Variants in RAPGEF4 observed in about 807,000 individuals in gnomAD.
RAPGEF4 encodes the protein Rap guanine nucleotide exchange factor 4, also known as RAP guanine-nucleotide-exchange factor (GEF) 4.
RAPGEF4 carries 66 observed loss-of-function variants against 147.9 expected under a neutral mutation model. The observed-to-expected ratio is 0.45, with a 90% CI of 0.37 to 0.55. The LOEUF is 0.55. Among genes scored for constraint, RAPGEF4 ranks in the 20% least tolerant of loss-of-function variants. The probability of loss-of-function intolerance (pLI) is 0.00; values close to 1 mark genes in which losing one functional copy is unlikely to be tolerated. For synonymous variants in RAPGEF4, 419 were observed against 442.7 expected (o/e 0.95, Z 0.67); for missense variants, 1,071 against 1,257.3 (o/e 0.85, Z 2.24).
intron 1 of RAPGEF4, among the ~76,000 whole-genome samples, chr2:172,757,840 A>G (rs1053104197): frequency 6.6e-6 from 1 of 152,218 alleles, no homozygotes; most frequent in Non-Finnish European, 1.5e-5. Context: ...CTTGCATTTA[A>G]CAAATATTTA....
chr2:172,747,375 C>G (rs115037706), intron 1 of RAPGEF4, among the ~76,000 whole-genome samples: 2 of 152,320 alleles, frequency 1.3e-5, no homozygotes, highest in African/African-American at 4.8e-5. Context: ...GATCTACTCT[C>G]TTAGCAAATT....
At chr2:172,968,038 A>G (rs554774023) in intron 10 of RAPGEF4, among the ~76,000 whole-genome samples, 1 of 152,228 alleles carries the variant, frequency 6.6e-6, no homozygotes, top group Non-Finnish European at 1.5e-5. Flanking sequence ...ACCACCTGCA[A>G]TTGTGGACTC....
intron 9 of RAPGEF4, among the ~76,000 whole-genome samples, chr2:172,966,361 C>T (rs1689842288): frequency 6.6e-6 from 1 of 152,174 alleles, no homozygotes; most frequent in Non-Finnish European, 1.5e-5. Flanking sequence ...GTTTCTCATA[C>T]TTTAATGTGC....
At chr2:173,014,036 A>G (rs1042523883) in intron 17 of RAPGEF4, among the ~76,000 whole-genome samples, 34 of 152,316 alleles carry the variant, frequency 2.2e-4, no homozygotes, top group African/African-American at 8.2e-4. Flanking sequence ...ACTGAAATGC[A>G]TGTAACAAAG....
chr2:172,955,666 C>T (rs996661214), intron 6 of RAPGEF4, among the ~76,000 whole-genome samples: 2 of 152,146 alleles, frequency 1.3e-5, no homozygotes, highest in Non-Finnish European at 2.9e-5. Flanking sequence ...ATTTGTGATA[C>T]GTGTTTTCTG....
At chr2:172,781,483 T>G (rs1684675493) in intron 1 of RAPGEF4, among the ~76,000 whole-genome samples, 1 of 152,176 alleles carries the variant, frequency 6.6e-6, no homozygotes, top group South Asian at 2.1e-4. Flanking sequence ...TTGGCCAGGC[T>G]GGTCTCTAAC....
At position 173,038,315 on chromosome 2, in the gene RAPGEF4, T is replaced by A. The variant is rs116139257; in HGVS notation, c.2853+1623T>A. Reference sequence around the variant, plus strand: ...TTCCAGAAATGAAAGATTTGGCAAATGCGTAAAGAAACTTCTGGATTACTT... The same window carrying A: ...TTCCAGAAATGAAAGATTTGGCAAAAGCGTAAAGAAACTTCTGGATTACTT... On this transcript the variant is annotated intron_variant, in intron 29 of 30. Coordinates refer to ENST00000397081, the MANE Select transcript of RAPGEF4 (RefSeq NM_007023.4). Among the ~76,000 whole-genome samples, 1,167 of 152,330 alleles carry A rather than the reference T, an allele frequency of 7.7e-3. 9 individuals are homozygous for A. Among genetic ancestry groups the A allele is most frequent in the African/African-American group, 0.026 (1,089 of 41,566 alleles).
chr2:172,845,981 A>G lies in RAPGEF4; in HGVS notation c.444+31556A>G, dbSNP rs1692137387. On this transcript the variant is annotated intron_variant, in intron 4 of 30. Coordinates refer to ENST00000397081, the MANE Select transcript of RAPGEF4 (RefSeq NM_007023.4). The stretch of plus-strand genomic sequence containing the variant: ...AGAGACGGAGGGTCTTTTCAAATCT[A>G]GGCTCCTGTCTTTGTTGTTTTCAAC... Among the ~76,000 whole-genome samples the G allele has an allele frequency of 3.3e-5, 5 of 152,196 alleles. No individual in the cohort carries two copies. In the South Asian group the frequency reaches 1.0e-3, roughly 32 times the overall value.
At chr2:172,843,828 T>C (rs1445511168) in intron 4 of RAPGEF4, among the ~76,000 whole-genome samples, 3 of 152,230 alleles carry the variant, frequency 2.0e-5, no homozygotes, top group African/African-American at 7.2e-5. Context: ...CTAGGATCTG[T>C]TATCTGTAAA....
intron 1 of RAPGEF4, among the ~76,000 whole-genome samples, chr2:172,771,517 A>C (rs13007746): frequency 1.3e-5 from 2 of 152,070 alleles, no homozygotes; most frequent in Non-Finnish European, 2.9e-5. Context: ...AGAGATTGTA[A>C]TTGTGATTTT....
At chr2:172,883,085 G>A (rs1696798313) in intron 4 of RAPGEF4, among the ~76,000 whole-genome samples, 1 of 148,336 alleles carries the variant, frequency 6.7e-6, no homozygotes, top group Admixed American at 6.8e-5. Flanking sequence ...TTAAAGCAAC[G>A]TGTTTAATAT....
At chr2:172,919,680 T>C (rs1684510380) in intron 5 of RAPGEF4, among the ~76,000 whole-genome samples, 1 of 152,206 alleles carries the variant, frequency 6.6e-6, no homozygotes, top group South Asian at 2.1e-4. Flanking sequence ...AGGGGCAGCC[T>C]AAGTTTCCAG....
chr2:172,900,918 CT>C (rs1367434223), intron 4 of RAPGEF4, among the ~76,000 whole-genome samples: 1 of 151,992 alleles, frequency 6.6e-6, no homozygotes, highest in Non-Finnish European at 1.5e-5. Context: ...AATTAAGGTT[CT>C]TTTTTTCTTC....
chr2:172,766,876 A>G (rs1412797619), intron 1 of RAPGEF4, among the ~76,000 whole-genome samples: 2 of 152,232 alleles, frequency 1.3e-5, no homozygotes, highest in South Asian at 2.1e-4. Flanking sequence ...CATTGCGTGC[A>G]TATACACAAT....
In RAPGEF4 at chr2:172,991,828, A is replaced by T. The variant is rs1011346; in HGVS notation, c.1490+903A>T. The stretch of plus-strand genomic sequence containing the variant: ...ATTAATTTTTATTGTTTAGACTAAA[A>T]GTCTAAGGCCCAGACATTTTCATTT... On this transcript the variant is annotated intron_variant, in intron 15 of 30. Coordinates refer to ENST00000397081, the MANE Select transcript of RAPGEF4 (RefSeq NM_007023.4). 6.2e-3 allele frequency among the ~76,000 whole-genome samples: 944 copies of T among 152,318 alleles called. 8 individuals are homozygous for T. Among genetic ancestry groups the T allele is most frequent in the Middle Eastern group, 0.024 (7 of 294 alleles).
At chr2:172,821,746 A>AAG in intron 4 of RAPGEF4, 1 of 1,083,064 alleles carries the variant, frequency 9.2e-7, no homozygotes, top group South Asian at 4.1e-5. Context: ...TTAAAAAAAA[A>AAG]AAAAAAAAAA....
chr2:172,814,561 T>C lies in RAPGEF4; in HGVS notation c.444+136T>C, dbSNP rs1215881824. ...TAGATGGAATTTAATTTTCAAAACT[T>C]GTTTTTGAAATGAGTGAGTGAAAAA... On this transcript the variant is annotated intron_variant, in intron 4 of 30. Coordinates refer to ENST00000397081, the MANE Select transcript of RAPGEF4 (RefSeq NM_007023.4). The C allele has an allele frequency of 8.7e-6, 10 of 1,147,098 alleles. No homozygotes were observed. The African/African-American group carries it at 1.4e-4, about 16-fold the overall frequency. 71.1% of individuals were successfully genotyped at this position (1,147,098 alleles called of 1,614,324 possible).
intron 1 of RAPGEF4, among the ~76,000 whole-genome samples, chr2:172,755,932 T>G (rs1281160305): frequency 6.6e-6 from 1 of 152,146 alleles, no homozygotes; most frequent in Non-Finnish European, 1.5e-5. Context: ...TTTCATCACT[T>G]GTAGACTCAT....
chr2:172,916,335 G>T (rs533748469), intron 4 of RAPGEF4, among the ~76,000 whole-genome samples: 1 of 152,296 alleles, frequency 6.6e-6, no homozygotes, highest in African/African-American at 2.4e-5. Flanking sequence ...GAGCCTGTTA[G>T]GGAGTTGATA....
Sources: allele counts gnomAD v4.1 joint callset (sites outside exome capture counted in the v4.1 genomes callset), GRCh38; gene constraint gnomAD v4.1.1; transcripts MANE v1.5; gene names NCBI Gene and HGNC (gene_info 2026-07-23, HGNC 2026-07-21).